Variants in SDHA observed in about 807,000 individuals in gnomAD.
SDHA encodes the protein succinate dehydrogenase [ubiquinone] flavoprotein subunit, mitochondrial.
A neutral mutation model predicts 78.4 loss-of-function variants in SDHA; 48 were observed. That is an observed-to-expected ratio of 0.61 (90% CI 0.49 to 0.78). The LOEUF (loss-of-function observed/expected upper bound fraction) is 0.78. SDHA is among the 30% of genes least tolerant of loss of function. SDHA has a pLI of 0.00. For synonymous variants in SDHA, 326 were observed against 353.9 expected (o/e 0.92, Z 0.88); for missense variants, 680 against 892.7 (o/e 0.76, Z 3.04).
chr5:236,329 C>T lies in SDHA; in HGVS notation c.1261-99C>T, dbSNP rs1363640353. On this transcript the variant is annotated intron_variant, in intron 9 of 14. Transcript: ENST00000264932. ...GTGAGCCACCACGCCTGGCCTACTT[C>T]CCTCTCTCTGACCTGCAGCACAGAC... The T allele has an allele frequency of 5.5e-6, 7 of 1,280,004 alleles. No homozygotes were observed. The Admixed American group carries it at 1.2e-4, about 22-fold the overall frequency. The allele number at this position is 1,280,004 out of a possible 1,614,324, so 79.3% of individuals were successfully genotyped here. A position where few individuals can be genotyped will look rare whatever the true frequency, so the allele number is the denominator to read the frequency against.
chr5:225,970 A>G lies in SDHA; in HGVS notation c.544A>G (p.Lys182Glu). 1 of 1,614,114 alleles carries G rather than the reference A, an allele frequency of 6.2e-7. No homozygotes were observed. Among genetic ancestry groups the G allele is most frequent in the South Asian group, 1.1e-5 (1 of 91,076 alleles). ...TGGTGGACAGAGCCTCAAGTTTGGA[A>G]AGGGCGGGCAGGCCCATCGGTGCTG... Reference protein sequence around the residue: ...AFGGQSLKFGKGGQAHRCCCV... With the variant: ...AFGGQSLKFGEGGQAHRCCCV... The change falls in exon 5 of 15, where the codon AAG (lysine) becomes GAG (glutamate). Residue 182 changes from lysine to glutamate, a missense_variant. By Grantham distance (56) the Lys-to-Glu change is moderately conservative. Coordinates refer to ENST00000264932, the MANE Select transcript of SDHA (RefSeq NM_004168.4).
chr5:239,957 C>T (rs887401765), intron 10 of SDHA, among the ~76,000 whole-genome samples: 15 of 151,950 alleles, frequency 9.9e-5, no homozygotes, highest in Admixed American at 3.9e-4. Flanking sequence ...TTTAGTGAAA[C>T]GAGGTTTTGC....
At chr5:262,591 C>A in the SDHA span, among the ~76,000 whole-genome samples, 14 of 152,286 alleles carry the variant, frequency 9.2e-5, no homozygotes, top group East Asian at 2.5e-3. Flanking sequence ...ACCATCCCCA[C>A]CATCCCCACA....
At position 251,083 on chromosome 5, in the gene SDHA, A is replaced by G; in HGVS notation, c.1643A>G (p.His548Arg). The change falls in exon 12 of 15, where the codon CAC becomes CGC. Residue 548 changes from histidine (H) to arginine (R), a missense_variant. Transcript: ENST00000264932. ...AGCAAGCTCTATGGAGACCTAAAGC[A>G]CCTGAAGACGTTCGACCGGGGTGAG... ...KISKLYGDLK[H>R]LKTFDRGMVW... 2.5e-6 allele frequency: 4 copies of G among 1,611,992 alleles called. No homozygotes were observed. Among genetic ancestry groups the G allele is most frequent in the Non-Finnish European group, 3.4e-6 (4 of 1,179,824 alleles).
intron 11 of SDHA, among the ~76,000 whole-genome samples, chr5:244,869 C>T (rs779508232): frequency 6.6e-5 from 10 of 152,126 alleles, no homozygotes; most frequent in Admixed American, 6.5e-4. Flanking sequence ...AATTATATAG[C>T]CCTCAAAGTC....
chr5:236,383 G>T (rs776033086), intron 9 of SDHA, 45 bp from the exon 10 acceptor site: 1 of 1,598,340 alleles, frequency 6.3e-7, no homozygotes, highest in African/African-American at 1.3e-5. Context: ...GGCTGGTGGA[G>T]GCATGGGCAC....
chr5:262,285 CGACAGAGCAT>C, the SDHA span, among the ~76,000 whole-genome samples: 2 of 103,780 alleles, frequency 1.9e-5, no homozygotes, highest in South Asian at 2.6e-4. Context: ...CTCCGCCTCC[CGACAGAGCAT>C]TACCGTGTGA....
chr5:240,027 G>A (rs997317323), intron 10 of SDHA, among the ~76,000 whole-genome samples: 7 of 152,108 alleles, frequency 4.6e-5, no homozygotes, highest in Non-Finnish European at 7.4e-5. Flanking sequence ...CCTTGGCCTC[G>A]TAAAGTGCTG....
Position 233,442 on chromosome 5 carries a change from A to G in SDHA, c.896-35A>G, listed in dbSNP as rs1316031686. 1.9e-6 allele frequency: 3 copies of G among 1,606,434 alleles called. No individual in the cohort carries two copies. In the African/African-American group the frequency reaches 4.0e-5, roughly 22 times the overall value. ...ATGCATTTGAAATAGAGATCTAGCA[A>G]TTGTTAGGTAATAAATATGTGTGGT... On this transcript the variant is annotated intron_variant, in intron 7 of 14. Coordinates refer to ENST00000264932, the MANE Select transcript of SDHA (RefSeq NM_004168.4).
chr5:221,168 A>G (rs1476198402), intron 1 of SDHA, among the ~76,000 whole-genome samples: 2 of 152,218 alleles, frequency 1.3e-5, no homozygotes, highest in Non-Finnish European at 2.9e-5. Context: ...AATTCTAGTG[A>G]GAATAATTAC....
rs1178613645 is a variant in SDHA, at chr5:230,937, G to A, written c.832G>A (p.Ala278Thr). ...SAHTSTGDGT[A>T]MITRAGLPCQ... ...CCACACCAGCACTGGCGACGGCACG[G>A]CCATGATCACCAGGGCAGGCCTTCC... The change falls in exon 7 of 15, where the codon GCC (alanine) becomes ACC (threonine). Residue 278 changes from alanine to threonine, a missense_variant. Transcript: ENST00000264932. 6.2e-7 allele frequency: 1 copy of A among 1,613,914 alleles called. No individual in the cohort carries two copies. Among genetic ancestry groups the A allele is most frequent in the Admixed American group, 1.7e-5 (1 of 59,994 alleles).
rs387906780 is a variant in SDHA, at chr5:251,439, C to T, written c.1765C>T (p.Arg589Trp). The T allele has an allele frequency of 1.4e-5, 22 of 1,613,864 alleles. No individual in the cohort carries two copies. Among genetic ancestry groups the T allele is most frequent in the Non-Finnish European group, 1.7e-5 (20 of 1,179,868 alleles). Residue 589 changes from arginine (R) to tryptophan (W), a missense_variant, in exon 13 of 15, where the codon CGG (arginine) becomes TGG (tryptophan). Arg to Trp is a moderately radical substitution (Grantham distance 101). Transcript: ENST00000264932. ...CGGAGCAGAGGCACGGAAGGAGTCA[C>T]GGGGCGCGCATGCCAGGGAAGACTA... ...IYGAEARKES[R>W]GAHAREDYKV... is the part of the protein sequence containing the mutation.
Position 225,453 on chromosome 5 carries a change from A to G in SDHA, c.347A>G (p.Glu116Gly). 6.2e-7 allele frequency: 1 copy of G among 1,613,016 alleles called. No individual in the cohort carries two copies. Among genetic ancestry groups the G allele is most frequent in the Non-Finnish European group, 8.5e-7 (1 of 1,179,842 alleles). ...AATGCTGCTCTGGGGAACATGGAGG[A>G]GGACAACTGGAGGTGGCATTTCTAC... ...GINAALGNME[E>G]DNWRWHFYDT... is the part of the protein sequence containing the mutation. Residue 116 changes from glutamate to glycine, a missense_variant, in exon 4 of 15, where the codon GAG becomes GGG. By Grantham distance (98) the Glu-to-Gly change is moderately conservative. Coordinates refer to ENST00000264932, the MANE Select transcript of SDHA (RefSeq NM_004168.4).
chr5:224,988 A>G lies in SDHA; in HGVS notation c.313-431A>G, dbSNP rs957826395. 6.0e-4 allele frequency: 197 copies of G among 330,054 alleles called. 1 individual carries two copies. Among genetic ancestry groups the G allele is most frequent in the Non-Finnish European group, 1.4e-4 (24 of 174,094 alleles). The allele number at this position is 330,054 out of a possible 1,614,324, so 20.4% of individuals were successfully genotyped here. ...CAGGGGAGTGCGACTCTGAGTGTGG[A>G]GTTTATTACTTGGCAGGAAGCACTT... On this transcript the variant is annotated intron_variant, in intron 3 of 14. Coordinates refer to ENST00000264932, the MANE Select transcript of SDHA (RefSeq NM_004168.4).
rs1331158592 is a variant in SDHA at position 218,880 on chromosome 5, C to T, written c.63+462C>T. Among the ~76,000 whole-genome samples, 5 of 152,262 alleles carry T rather than the reference C, an allele frequency of 3.3e-5. No individual in the cohort carries two copies. In the East Asian group the frequency reaches 7.8e-4, roughly 24 times the overall value. ...TTGTCCTGAGGAGCAGCCCGCAGCCCGTGGGTGGGGCCGGCGGGGCGGGTG... is the reference window on the plus strand; with the variant it reads ...TTGTCCTGAGGAGCAGCCCGCAGCCTGTGGGTGGGGCCGGCGGGGCGGGTG... On this transcript the variant is annotated intron_variant, in intron 1 of 14. Transcript: ENST00000264932.
the SDHA span, among the ~76,000 whole-genome samples, chr5:264,775 T>C: frequency 1.3e-5 from 2 of 152,230 alleles, no homozygotes; most frequent in South Asian, 4.1e-4. Context: ...TAGTGAGCCA[T>C]AGTTTAAAGA....
At chr5:256,258 A>T in intron 14 of SDHA, 76 bp from the exon 15 acceptor site, 10 of 1,095,404 alleles carry the variant, frequency 9.1e-6, no homozygotes, top group Non-Finnish European at 1.4e-5. Context: ...TATAGTTAAA[A>T]TTTTTCAAAA....
chr5:244,849 A>C (rs1402237690), intron 11 of SDHA, among the ~76,000 whole-genome samples: 1 of 152,204 alleles, frequency 6.6e-6, no homozygotes, highest in Non-Finnish European at 1.5e-5. Context: ...ACAAGTTCTA[A>C]TTCCAGAGCA....
rs1351785557 is a variant in SDHA, at chr5:256,735, C to G, written c.*315C>G. The G allele has an allele frequency of 2.8e-5, 10 of 354,946 alleles. No homozygotes were observed. The East Asian group carries it at 4.4e-4, about 16-fold the overall frequency. 22.0% of individuals were successfully genotyped at this position (354,946 alleles called of 1,614,324 possible). Reference sequence around the variant, plus strand: ...AATATTTTACTGTTGTGACTTTAGTCATATTTGTTGACCTAAAAATCAAAT... The same window carrying G: ...AATATTTTACTGTTGTGACTTTAGTGATATTTGTTGACCTAAAAATCAAAT... On this transcript the variant is annotated 3_prime_UTR_variant, in exon 15 of 15. Transcript: ENST00000264932.
Sources: allele counts gnomAD v4.1 joint callset (sites outside exome capture counted in the v4.1 genomes callset), GRCh38; gene constraint gnomAD v4.1.1; transcripts MANE v1.5; gene names NCBI Gene and HGNC (gene_info 2026-07-23, HGNC 2026-07-21).